Variants in COL27A1 observed in about 807,000 individuals in gnomAD.
The protein encoded by COL27A1 is collagen type XXVII alpha 1 chain.
COL27A1 carries 106 observed loss-of-function variants against 251.3 expected under a neutral mutation model. The observed-to-expected ratio is 0.42, with a 90% confidence interval of 0.36 to 0.50. COL27A1 has a LOEUF of 0.50. Ranked by LOEUF, COL27A1 falls within the 20% of genes least tolerant of loss-of-function variation. COL27A1 has a pLI of 0.00. For missense variants in COL27A1, 2,325 were observed against 2,522.8 expected (o/e 0.92, Z 1.68); for synonymous variants, 1,000 against 986.3 (o/e 1.01, Z -0.26).
In COL27A1 at chr9:114,245,888, G is replaced by T; in HGVS notation, c.2957G>T (p.Arg986Leu). The part of the protein sequence containing the change: ...GVKGEPGDPG[R>L]PGPVGEQGFM... ...CAGGGGGAACCAGGGGATCCTGGTC[G>T]GCCGGGGCCTGTGGGAGAGCAGGTT... The change falls in exon 24 of 61, where the codon CGG becomes CTG. Residue 986 changes from arginine (R) to leucine (L), a missense_variant. Around this residue, in one of 4 missense-constraint regions of COL27A1, gnomAD observed 662 missense variants for 795.3 expected, o/e 0.83. Transcript: ENST00000356083. 1.2e-6 allele frequency: 2 copies of T among 1,613,124 alleles called. No individual in the cohort carries two copies. The highest frequency in any genetic ancestry group is 1.3e-5 in the African/African-American group (1 of 74,986).
chr9:114,245,165 T>G (rs369068949), intron 23 of COL27A1, among the ~76,000 whole-genome samples: 10,711 of 143,060 alleles, frequency 0.075, 497 homozygotes, highest in South Asian at 0.1. Flanking sequence ...TTTTTTTTTT[T>G]TTTTTTTTTT....
chr9:114,215,055 A>G (rs1830631201), intron 12 of COL27A1, among the ~76,000 whole-genome samples: 2 of 152,210 alleles, frequency 1.3e-5, no homozygotes, highest in Non-Finnish European at 2.9e-5. Context: ...AGCTTTACTC[A>G]CAGCCCCTGG....
rs1305903837 is a variant in COL27A1, at chr9:114,306,696, G to A, written c.5107+8G>A. On this transcript the variant is annotated splice_region_variant and intron_variant, in intron 58 of 60. Transcript: ENST00000356083. ...AGCAGAAGATGGTGGATGGTGAGAA[G>A]GCTTCCTGCCGGGGGTGGGTGCGCC... The A allele has an allele frequency of 6.2e-7, 1 of 1,610,458 alleles. No individual in the cohort carries two copies. The highest frequency in any genetic ancestry group is 1.7e-5 in the Admixed American group (1 of 59,350).
intron 23 of COL27A1, 43 bp from the exon 24 acceptor site, chr9:114,245,823 T>C: frequency 6.2e-7 from 1 of 1,601,464 alleles, no homozygotes. Context: ...GTCTAGACTT[T>C]CATCTCCCAT....
At chr9:114,221,433 A>G (rs1831105095) in intron 13 of COL27A1, among the ~76,000 whole-genome samples, 1 of 152,152 alleles carries the variant, frequency 6.6e-6, no homozygotes, top group Admixed American at 6.5e-5. Flanking sequence ...ATAGAGGAAC[A>G]GAAAAGACCT....
At position 114,231,940 on chromosome 9, in the gene COL27A1, T is replaced by A; in HGVS notation, c.2565+74T>A. ...CCCCTCTCCGCCCGGAGGCTGCTGC[T>A]GATTTCTCGCCAGGTCCACTCCCCT... On this transcript the variant is annotated intron_variant, in intron 16 of 60. Coordinates refer to ENST00000356083, the MANE Select transcript of COL27A1 (RefSeq NM_032888.4). 2.0e-6 allele frequency: 3 copies of A among 1,473,276 alleles called. No individual in the cohort carries two copies. The South Asian group carries it at 3.4e-5, about 17-fold the overall frequency. The allele number at this position is 1,473,276 out of a possible 1,614,324, so 91.3% of individuals were successfully genotyped here.
intron 3 of COL27A1, among the ~76,000 whole-genome samples, chr9:114,175,373 G>A (rs541500402): frequency 2.9e-4 from 44 of 152,378 alleles, no homozygotes; most frequent in African/African-American, 1.0e-3. Flanking sequence ...AGAAATGGCA[G>A]CGTTTTTCCA....
intron 32 of COL27A1, among the ~76,000 whole-genome samples, 177 bp downstream of exon 32, chr9:114,265,652 C>T (rs1046081609): frequency 1.3e-5 from 2 of 152,224 alleles, no homozygotes; most frequent in Non-Finnish European, 2.9e-5. Flanking sequence ...GTTTGAGGCT[C>T]AGCTCACTTG....
intron 18 of COL27A1, among the ~76,000 whole-genome samples, chr9:114,237,453 T>A (rs1832473843): frequency 6.6e-6 from 1 of 152,138 alleles, no homozygotes; most frequent in Admixed American, 6.5e-5. Flanking sequence ...AAACTAAGAT[T>A]CCGAAAGTTG....
chr9:114,288,460 GC>G lies in COL27A1; in HGVS notation c.3994del (p.Gln1332ArgfsTer235). 6.2e-7 allele frequency: 1 copy of G among 1,610,050 alleles called. No individual in the cohort carries two copies. On this transcript the variant is annotated frameshift_variant, in exon 42 of 61. Coordinates refer to ENST00000356083, the MANE Select transcript of COL27A1 (RefSeq NM_032888.4). LOFTEE classifies it high-confidence loss of function. ...AGCTGGTTCTGTGTCCACAGGGGGA[GC>G]AGGGCGAGGACGGCAAGGCTGAGGG... Reference protein sequence around the residue: ...PPGPKGEKGEQGEDGKAEGPP... With the variant: ...PPGPKGEKGEXGEDGKAEGPP...
chr9:114,241,281 G>T (rs1327914831), intron 21 of COL27A1, among the ~76,000 whole-genome samples: 1 of 152,248 alleles, frequency 6.6e-6, no homozygotes, highest in Admixed American at 6.5e-5. Flanking sequence ...GGCTGAGGGT[G>T]CGGGAAGCCC....
At chr9:114,245,757 TG>T in intron 23 of COL27A1, 108 bp from the exon 24 acceptor site, 1 of 1,004,608 alleles carries the variant, frequency 1.0e-6, no homozygotes, top group Non-Finnish European at 1.6e-6. Context: ...ATAAGATCCC[TG>T]GTTCATCCCC....
At chr9:114,165,566 C>A (rs1848771178) in intron 2 of COL27A1, among the ~76,000 whole-genome samples, 1 of 150,478 alleles carries the variant, frequency 6.6e-6, no homozygotes, top group Non-Finnish European at 1.5e-5. Context: ...TCCATCTATT[C>A]ATCTATTCAT....
intron 31 of COL27A1, 55 bp downstream of exon 31, chr9:114,265,165 G>T: frequency 3.9e-6 from 2 of 516,512 alleles, no homozygotes; most frequent in Non-Finnish European, 3.7e-6. Context: ...TGGGGGTGGG[G>T]GGCGGGTGCG....
chr9:114,284,559 T>C (rs1473307956), intron 40 of COL27A1, among the ~76,000 whole-genome samples, 165 bp from the exon 41 acceptor site: 3 of 152,136 alleles, frequency 2.0e-5, no homozygotes, highest in South Asian at 2.1e-4. Flanking sequence ...ACGGCACATC[T>C]GGAAGGCCAG....
In COL27A1 at chr9:114,167,682, C is replaced by T; in HGVS notation, c.134-7C>T. 6.2e-7 allele frequency: 1 copy of T among 1,602,474 alleles called. No homozygotes were observed. Among genetic ancestry groups the T allele is most frequent in the Non-Finnish European group, 8.5e-7 (1 of 1,172,324 alleles). On this transcript the variant is annotated splice_polypyrimidine_tract_variant and splice_region_variant and intron_variant, in intron 2 of 60. Coordinates refer to ENST00000356083, the MANE Select transcript of COL27A1 (RefSeq NM_032888.4). The stretch of plus-strand genomic sequence containing the variant: ...CTGCGTCCTCTCCCCTTTTCCCTCC[C>T]TCTCAGATGTGGACATCCTCCAGCG...
rs1827656833 is a variant in COL27A1, at chr9:114,288,359, G to A, written c.3988-96G>A. The stretch of plus-strand genomic sequence containing the variant: ...TGTCCCCATCTGTAACCCTAAGCAG[G>A]CTAGAATTCATCTCTGACGAAGCGC... On this transcript the variant is annotated intron_variant, in intron 41 of 60. Coordinates refer to ENST00000356083, the MANE Select transcript of COL27A1 (RefSeq NM_032888.4). 11 of 1,283,914 alleles carry A rather than the reference G, an allele frequency of 8.6e-6. No homozygotes were observed. In the South Asian group the frequency reaches 1.4e-4, roughly 16 times the overall value. The allele number at this position is 1,283,914 out of a possible 1,614,324, so 79.5% of individuals were successfully genotyped here. A position where few individuals can be genotyped will look rare whatever the true frequency, so the allele number is the denominator to read the frequency against.
At chr9:114,222,328 C>G in intron 14 of COL27A1, 61 bp downstream of exon 14, 1 of 1,489,378 alleles carries the variant, frequency 6.7e-7, no homozygotes, top group South Asian at 1.1e-5. Flanking sequence ...GTGGAGCCAG[C>G]GTGTGGGGAG....
At chr9:114,234,912 CAAA>C (rs999381150) in intron 16 of COL27A1, among the ~76,000 whole-genome samples, 1 of 105,706 alleles carries the variant, frequency 9.5e-6, no homozygotes, top group Non-Finnish European at 2.1e-5. Flanking sequence ...ACTAAAAATA[CAAA>C]AAAAAAAAAA....
Sources: allele counts gnomAD v4.1 joint callset (sites outside exome capture counted in the v4.1 genomes callset), GRCh38; gene constraint gnomAD v4.1.1; regional missense constraint gnomAD v4.1.1; transcripts MANE v1.5; gene names NCBI Gene and HGNC (gene_info 2026-07-23, HGNC 2026-07-21).